The following PRKN variants were observed in gnomAD, a reference collection of about 807,000 sequenced individuals.
PRKN encodes the protein parkin RBR E3 ubiquitin protein ligase, also known as E3 ubiquitin-protein ligase parkin.
A neutral mutation model predicts 59.5 loss-of-function variants in PRKN; 56 were observed. The observed-to-expected ratio is 0.94, with a 90% CI of 0.76 to 1.18. The LOEUF (loss-of-function observed/expected upper bound fraction) is 1.18. PRKN is among the 50% of genes most tolerant of loss of function. The pLI, the probability that PRKN is intolerant of heterozygous loss-of-function variation, is 0.00. For synonymous variants in PRKN, 250 were observed against 222.1 expected, an observed-to-expected ratio of 1.13 and a Z score of -1.12; for missense variants, 657 against 596.4, an observed-to-expected ratio of 1.10 and a Z score of -1.06.
At chr6:162,274,484 G>A (rs1392232454) in intron 2 of PRKN, among the ~76,000 whole-genome samples, 1 of 152,074 alleles carries the variant, frequency 6.6e-6, no homozygotes, top group African/African-American at 2.4e-5. Flanking sequence ...TACTGTGCCT[G>A]GCGTTCAATG....
At chr6:161,591,179 A>G (rs1478795311) in intron 7 of PRKN, among the ~76,000 whole-genome samples, 1 of 152,248 alleles carries the variant, frequency 6.6e-6, no homozygotes, top group East Asian at 1.9e-4. Context: ...GGAGACAGGA[A>G]GAAACAAATG....
chr6:162,279,422 A>G (rs1298476721), intron 2 of PRKN, among the ~76,000 whole-genome samples: 1 of 151,820 alleles, frequency 6.6e-6, no homozygotes, highest in Non-Finnish European at 1.5e-5. Flanking sequence ...AGAAAGAAGG[A>G]AAGAAAGAAA....
chr6:162,007,364 A>C (rs1782295946), intron 5 of PRKN, among the ~76,000 whole-genome samples: 2 of 152,204 alleles, frequency 1.3e-5, no homozygotes, highest in Admixed American at 1.3e-4. Context: ...ATGCAAGTAT[A>C]ATAGCAGACA....
intron 6 of PRKN, among the ~76,000 whole-genome samples, chr6:161,833,462 A>G (rs761088443): frequency 7.2e-5 from 11 of 152,194 alleles, no homozygotes; most frequent in Non-Finnish European, 1.5e-4. Context: ...GTTTTGACTA[A>G]ATGTCTCTAG....
intron 9 of PRKN, among the ~76,000 whole-genome samples, chr6:161,528,306 T>C (rs1172044287): frequency 6.6e-6 from 1 of 152,176 alleles, no homozygotes; most frequent in Non-Finnish European, 1.5e-5. Context: ...TCCATAGCTG[T>C]AGTGGGTGCA....
chr6:161,775,816 A>G (rs1055550943), intron 7 of PRKN, among the ~76,000 whole-genome samples: 1 of 152,174 alleles, frequency 6.6e-6, no homozygotes, highest in Non-Finnish European at 1.5e-5. Flanking sequence ...TCTGTATCTA[A>G]ACAGGATCAG....
rs144032774 is a variant in PRKN at position 161,973,335 on chromosome 6, C to T, written c.701G>A (p.Arg234Gln). 204 of 1,613,470 alleles carry T rather than the reference C, an allele frequency of 1.3e-4. 1 individual carries two copies. Among genetic ancestry groups the T allele is most frequent in the South Asian group, 3.5e-4 (32 of 91,054 alleles). Residue 234 changes from arginine (R) to glutamine (Q), a missense_variant, in exon 6 of 12, where the codon CGG becomes CAG. Physicochemically the swap from Arg to Gln is conservative, Grantham distance 43. Transcript: ENST00000366898. ...TGTGCACGTAATGCAAGTGATGTTC[C>T]GACTATTTGTTGCGATCAGGTGCAA... ...VALHLIATNS[R>Q]NITCITCTDV...
At chr6:162,253,114 C>T (rs1295871887) in intron 3 of PRKN, among the ~76,000 whole-genome samples, 1 of 152,146 alleles carries the variant, frequency 6.6e-6, no homozygotes, top group African/African-American at 2.4e-5. Flanking sequence ...TAAGAGAGTA[C>T]TTTTTCTTTC....
intron 6 of PRKN, among the ~76,000 whole-genome samples, chr6:161,946,414 A>ACACACACACACACACACACT (rs1247187053): frequency 3.0e-4 from 34 of 114,442 alleles, no homozygotes; most frequent in Non-Finnish European, 4.7e-4. Flanking sequence ...ACACACACAC[A>ACACACACACACACACACACT]CTCTCTCTCT....
At chr6:161,358,643 A>C (rs1023168411) in intron 11 of PRKN, among the ~76,000 whole-genome samples, 3 of 151,980 alleles carry the variant, frequency 2.0e-5, no homozygotes, top group African/African-American at 7.2e-5. Flanking sequence ...TGTCAGCGAA[A>C]TACCAGGCCT....
chr6:162,047,659 A>T (rs902593995), intron 5 of PRKN, among the ~76,000 whole-genome samples: 6 of 152,220 alleles, frequency 3.9e-5, no homozygotes, highest in African/African-American at 1.4e-4. Context: ...AGACAAAAGA[A>T]ATACAGATTC....
At chr6:161,899,185 G>A (rs1777784498) in intron 6 of PRKN, among the ~76,000 whole-genome samples, 1 of 152,248 alleles carries the variant, frequency 6.6e-6, no homozygotes, top group Admixed American at 6.5e-5. Context: ...TTTCACAGAT[G>A]AGGCTGAAAT....
At chr6:161,707,904 A>G (rs13209587) in intron 7 of PRKN, among the ~76,000 whole-genome samples, 64,452 of 151,946 alleles carry the variant, frequency 0.42, 14,202 homozygotes, top group Admixed American at 0.61. Flanking sequence ...CTTAACATTT[A>G]TAGATTAGAA....
intron 9 of PRKN, among the ~76,000 whole-genome samples, chr6:161,513,373 T>A (rs1778466643): frequency 6.6e-6 from 1 of 152,138 alleles, no homozygotes; most frequent in Non-Finnish European, 1.5e-5. Context: ...CCCGGGTAGC[T>A]GGGACTACAG....
intron 2 of PRKN, among the ~76,000 whole-genome samples, chr6:162,282,328 TA>T (rs373092744): frequency 6.7e-5 from 10 of 150,198 alleles, no homozygotes; most frequent in Admixed American, 2.0e-4. Context: ...AAGAGTATAT[TA>T]AAAAAAAAAT....
At chr6:162,277,615 A>C (rs920110076) in intron 2 of PRKN, among the ~76,000 whole-genome samples, 5 of 152,182 alleles carry the variant, frequency 3.3e-5, no homozygotes, top group Admixed American at 6.5e-5. Context: ...TAAATAAACA[A>C]ACATTAAAAA....
intron 1 of PRKN, among the ~76,000 whole-genome samples, chr6:162,592,928 T>C (rs144710897): frequency 4.2e-4 from 64 of 151,996 alleles, no homozygotes; most frequent in Non-Finnish European, 7.2e-4. Flanking sequence ...AGCTAACACA[T>C]CACGATTACA....
chr6:162,508,035 T>C (rs1212997300), intron 1 of PRKN, among the ~76,000 whole-genome samples: 1 of 152,204 alleles, frequency 6.6e-6, no homozygotes, highest in African/African-American at 2.4e-5. Flanking sequence ...TACCCAAGAC[T>C]GGGCAATTTA....
chr6:162,203,973 C>T (rs955601610), intron 3 of PRKN, among the ~76,000 whole-genome samples: 3 of 152,124 alleles, frequency 2.0e-5, no homozygotes, highest in Non-Finnish European at 2.9e-5. Context: ...TATTTCGCCA[C>T]GTTTGGGTTC....
Sources: allele counts gnomAD v4.1 joint callset (sites outside exome capture counted in the v4.1 genomes callset), GRCh38; gene constraint gnomAD v4.1.1; transcripts MANE v1.5; gene names NCBI Gene and HGNC (gene_info 2026-07-23, HGNC 2026-07-21).